MSN: variants seen among roughly 807,000 people sequenced by gnomAD.
MSN encodes the protein epididymis luminal protein 70.
A neutral mutation model predicts 48.0 loss-of-function variants in MSN; 2 were observed. That is an observed-to-expected ratio of 0.04 (90% CI 0.02 to 0.13). The LOEUF is 0.13. Among genes scored for constraint, MSN ranks in the 10% least tolerant of loss-of-function variants. The probability of loss-of-function intolerance (pLI) is 1.00; values close to 1 mark genes in which losing one functional copy is unlikely to be tolerated. For missense variants in MSN, 267 were observed against 470.1 expected, an observed-to-expected ratio of 0.57 and a Z score of 3.99; for synonymous variants, 146 against 166.9, an observed-to-expected ratio of 0.87 and a Z score of 0.97.
intron 1 of MSN, among the ~76,000 whole-genome samples, chrX:65,715,832 G>C (rs1421903218): frequency 1.8e-5 from 2 of 111,686 alleles, no homozygotes; most frequent in Non-Finnish European, 1.9e-5. Flanking sequence ...TCTCTGGTCT[G>C]ATTGCTCTGG....
chrX:65,736,011 G>A (rs2071672463), intron 8 of MSN, among the ~76,000 whole-genome samples: 1 of 111,759 alleles, frequency 8.9e-6, no homozygotes, highest in African/African-American at 3.3e-5. Context: ...ACTTATTCCA[G>A]ATTTGTAACA....
chrX:65,720,138 A>G (rs780110622), intron 2 of MSN, among the ~76,000 whole-genome samples: 2 of 111,873 alleles, frequency 1.8e-5, no homozygotes, highest in South Asian at 7.5e-4. Flanking sequence ...TTGAGCACAT[A>G]CTATGGCCTA....
At chrX:65,676,877 T>A (rs1602781967) in intron 1 of MSN, among the ~76,000 whole-genome samples, 1 of 109,864 alleles carries the variant, frequency 9.1e-6, no homozygotes, top group African/African-American at 3.3e-5. Context: ...CAGGCTGGAG[T>A]GCAGTGGCAT....
intron 1 of MSN, among the ~76,000 whole-genome samples, chrX:65,643,063 C>T (rs1315881608): frequency 9.0e-6 from 1 of 111,073 alleles, no homozygotes; most frequent in Non-Finnish European, 1.9e-5. Context: ...ATTCCTCCCT[C>T]CTCTTCCCTT....
rs887711424 is a variant in MSN at position 65,700,134 on chromosome X, A to T, written c.13-16684A>T. The stretch of plus-strand genomic sequence containing the variant: ...GATAATGGCATTGCAGGAGAAAGGA[A>T]CTAAAATTTATGAAACATCTACTAC... On this transcript the variant is annotated intron_variant, in intron 1 of 12. Coordinates refer to ENST00000360270, the MANE Select transcript of MSN (RefSeq NM_002444.3). Among the ~76,000 whole-genome samples, 6 of 111,992 alleles carry T rather than the reference A, an allele frequency of 5.4e-5. No homozygotes were observed. In the South Asian group the frequency reaches 1.1e-3, roughly 21 times the overall value.
chrX:65,732,585 C>T (rs1275726747), intron 6 of MSN, among the ~76,000 whole-genome samples: 1 of 111,477 alleles, frequency 9.0e-6, no homozygotes, highest in Non-Finnish European at 1.9e-5. Flanking sequence ...ATCCCACTTG[C>T]TTATATTTTT....
At chrX:65,600,509 T>C (rs2070225985) in intron 1 of MSN, among the ~76,000 whole-genome samples, 2 of 112,019 alleles carry the variant, frequency 1.8e-5, no homozygotes, top group South Asian at 7.4e-4. Flanking sequence ...CTGTGGTGCA[T>C]TTGATTGACT....
At chrX:65,629,195 C>G (rs2070534617) in intron 1 of MSN, among the ~76,000 whole-genome samples, 1 of 111,654 alleles carries the variant, frequency 9.0e-6, no homozygotes, top group Non-Finnish European at 1.9e-5. Flanking sequence ...CCACAAATCT[C>G]TAGGGCAGGG....
At chrX:65,620,971 G>A (rs2070437788) in intron 1 of MSN, among the ~76,000 whole-genome samples, 1 of 108,579 alleles carries the variant, frequency 9.2e-6, no homozygotes, top group Admixed American at 9.9e-5. Context: ...TGTCGCCCAG[G>A]CTGGAGTGTA....
At chrX:65,706,466 C>T (rs12009586) in intron 1 of MSN, among the ~76,000 whole-genome samples, 26,335 of 111,274 alleles carry the variant, frequency 0.24, 7,545 homozygotes, top group African/African-American at 0.82. Context: ...GGGTGGCCCC[C>T]TGGGGAGGTG....
rs1327463132 is a variant in MSN, at chrX:65,641,549, AGTATATATATATATATATATATAT to A, written c.-22+52938_-22+52961del. Among the ~76,000 whole-genome samples, 41 of 32,564 alleles carry A rather than the reference AGTATATATATATATATATATATAT, an allele frequency of 1.3e-3. 1 individual carries two copies. The highest frequency in any genetic ancestry group is 4.4e-3 in the African/African-American group (41 of 9,247). 28.3% of individuals were successfully genotyped at this position (32,564 alleles called of 115,157 possible). ...GGTCTCAAAAAAAAAAAAAAAGTGA[AGTATATATATATATATATATATAT>A]ATATATATATATATATATATATATA... On this transcript the variant is annotated intron_variant, in intron 1 of 3. Transcript: ENST00000609672.
At chrX:65,734,008 T>C (rs1200914083) in intron 7 of MSN, among the ~76,000 whole-genome samples, 1 of 112,107 alleles carries the variant, frequency 8.9e-6, no homozygotes, top group Non-Finnish European at 1.9e-5. Context: ...AGTCCAAATC[T>C]GAAGATGATC....
At chrX:65,610,466 T>C (rs1315190151) in intron 1 of MSN, among the ~76,000 whole-genome samples, 2 of 112,724 alleles carry the variant, frequency 1.8e-5, no homozygotes, top group Non-Finnish European at 3.7e-5. Context: ...TAATATTCCA[T>C]TGTATGTATA....
At chrX:65,648,409 C>T (rs1282613789) in intron 1 of MSN, among the ~76,000 whole-genome samples, 11 of 110,796 alleles carry the variant, frequency 9.9e-5, no homozygotes, top group South Asian at 7.6e-4. Context: ...AAAAATTAGC[C>T]GGGCGTGGTC....
chrX:65,675,722 C>G (rs1169116417), intron 1 of MSN, among the ~76,000 whole-genome samples: 1 of 110,970 alleles, frequency 9.0e-6, no homozygotes, highest in Non-Finnish European at 1.9e-5. Flanking sequence ...ACTGCAACCT[C>G]CGCCTCCTGG....
chrX:65,655,046 G>GT (rs1319021026), intron 1 of MSN, among the ~76,000 whole-genome samples: 1 of 110,485 alleles, frequency 9.1e-6, no homozygotes. Context: ...AGAAACTTTT[G>GT]TTTTTTTCAT....
chrX:65,620,574 C>T (rs934527984), intron 1 of MSN, among the ~76,000 whole-genome samples: 3 of 113,038 alleles, frequency 2.7e-5, no homozygotes, highest in Non-Finnish European at 5.6e-5. Flanking sequence ...GGGTCGCGCA[C>T]GGTGCGCACA....
In MSN at chrX:65,731,196, C is replaced by T; in HGVS notation, c.551+6C>T. The T allele has an allele frequency of 8.4e-7, 1 of 1,194,344 alleles. No individual in the cohort carries two copies. Among genetic ancestry groups the T allele is most frequent in the Non-Finnish European group, 1.1e-6 (1 of 883,915 alleles). On this transcript the variant is annotated splice_donor_region_variant and intron_variant, in intron 5 of 12. Transcript: ENST00000360270. The stretch of plus-strand genomic sequence containing the variant: ...GAACACCGTGGCATGCTCAGGTAAG[C>T]TTGCCCAAGCAGTGGTGGGCCCCAC...
intron 2 of MSN, among the ~76,000 whole-genome samples, chrX:65,724,848 G>A (rs747269057): frequency 1.8e-5 from 2 of 110,037 alleles, no homozygotes; most frequent in African/African-American, 3.3e-5. Flanking sequence ...CACCATGCCC[G>A]GCTAATTTTT....
Sources: allele counts gnomAD v4.1 joint callset (sites outside exome capture counted in the v4.1 genomes callset), GRCh38; gene constraint gnomAD v4.1.1; transcripts MANE v1.5; gene names NCBI Gene and HGNC (gene_info 2026-07-23, HGNC 2026-07-21).